Variants in MKRN1 observed in about 807,000 individuals in gnomAD.
MKRN1 encodes the protein makorin ring finger protein 1.
MKRN1 carries 9 observed loss-of-function variants against 55.5 expected under a neutral mutation model. The ratio of observed to expected loss-of-function variants is 0.16; its 90% CI spans 0.10 to 0.28. The LOEUF is 0.28. Among genes scored for constraint, MKRN1 ranks in the 10% least tolerant of loss-of-function variants. The pLI, the probability that MKRN1 is intolerant of heterozygous loss-of-function variation, is 1.00. For synonymous variants in MKRN1, 253 were observed against 235.9 expected (o/e 1.07, Z -0.66); for missense variants, 488 against 626.7 (o/e 0.78, Z 2.36).
chr7:140,479,192 G>A lies in MKRN1; in HGVS notation c.153C>T (p.Ser51=). The A allele has an allele frequency of 1.6e-5, 23 of 1,461,372 alleles. No homozygotes were observed. Among genetic ancestry groups the A allele is most frequent in the Non-Finnish European group, 1.9e-5 (21 of 1,107,758 alleles). The allele number at this position is 1,461,372 out of a possible 1,614,324, so 90.5% of individuals were successfully genotyped here. Residue 51 remains serine, a synonymous_variant, in exon 1 of 8, where the codon AGC becomes AGT. Coordinates refer to ENST00000255977, the MANE Select transcript of MKRN1 (RefSeq NM_013446.4). ...TGACCTGTTTAGTCCAGCCGCCGCCGCTGCCGTCGCTGCCGCCGCCCCCTC... is the reference window on the plus strand; with the variant it reads ...TGACCTGTTTAGTCCAGCCGCCGCCACTGCCGTCGCTGCCGCCGCCCCCTC... ...AGGGGGGSDG[S]GGGWTKQVTC... is the part of the protein sequence containing the mutation.
chr7:140,473,543 C>T (rs1391670462), intron 1 of MKRN1, among the ~76,000 whole-genome samples: 1 of 152,138 alleles, frequency 6.6e-6, no homozygotes, highest in African/African-American at 2.4e-5. Flanking sequence ...GGCATTTAAT[C>T]AATTCATCTG....
At position 140,453,425 on chromosome 7, in the gene MKRN1, T is replaced by C. The variant is rs1486672632; in HGVS notation, c.*1092A>G. 4 of 152,412 alleles carry C rather than the reference T, an allele frequency of 2.6e-5. No individual in the cohort carries two copies. Among genetic ancestry groups the C allele is most frequent in the Non-Finnish European group, 5.9e-5 (4 of 68,026 alleles). The allele number at this position is 152,412 out of a possible 1,614,324, so 9.4% of individuals were successfully genotyped here. A position where few individuals can be genotyped will look rare whatever the true frequency, so the allele number is the denominator to read the frequency against. ...GTCTGTCTACCTGAAAGCTCAGGGG[T>C]GGAATGAGGCAAATACCCACAAAAA... On this transcript the variant is annotated 3_prime_UTR_variant, in exon 8 of 8. Transcript: ENST00000255977.
intron 2 of MKRN1, among the ~76,000 whole-genome samples, chr7:140,463,662 G>A (rs916193924): frequency 1.3e-5 from 2 of 151,900 alleles, no homozygotes; most frequent in African/African-American, 4.8e-5. Context: ...AAGGTGGGCG[G>A]ATCACAAGGT....
intron 2 of MKRN1, among the ~76,000 whole-genome samples, chr7:140,462,796 C>G (rs1794660680): frequency 6.6e-6 from 1 of 151,872 alleles, no homozygotes; most frequent in Non-Finnish European, 1.5e-5. Context: ...AACCCCGTCT[C>G]TACTAAAAAA....
At position 140,454,400 on chromosome 7, in the gene MKRN1, G is replaced by C; in HGVS notation, c.*117C>G. On this transcript the variant is annotated 3_prime_UTR_variant, in exon 8 of 8. Transcript: ENST00000255977. ...GACAGGCCCTGGGTAAAAATTCTTAGGACAGCACCTGGAGTTGAGAGGCCT... is the reference window on the plus strand; with the variant it reads ...GACAGGCCCTGGGTAAAAATTCTTACGACAGCACCTGGAGTTGAGAGGCCT... 1 of 965,234 alleles carries C rather than the reference G, an allele frequency of 1.0e-6. No homozygotes were observed. Among genetic ancestry groups the C allele is most frequent in the Non-Finnish European group, 1.6e-6 (1 of 627,808 alleles). 59.8% of individuals were successfully genotyped at this position (965,234 alleles called of 1,614,324 possible). A position where few individuals can be genotyped will look rare whatever the true frequency, so the allele number is the denominator to read the frequency against.
chr7:140,479,517 T>A, upstream of MKRN1: 1 of 628,144 alleles, frequency 1.6e-6, no homozygotes, highest in Non-Finnish European at 2.3e-6. Context: ...CCACTTCAAC[T>A]GCGGGCCCAG....
At chr7:140,459,322 T>C in intron 3 of MKRN1, 89 bp from the exon 4 acceptor site, 2 of 1,318,262 alleles carry the variant, frequency 1.5e-6, no homozygotes, top group Admixed American at 2.0e-5. Flanking sequence ...AAAATGAAAA[T>C]AAAACTGCAA....
upstream of MKRN1, chr7:140,479,515 A>T: frequency 1.6e-6 from 1 of 636,526 alleles, no homozygotes; most frequent in East Asian, 3.5e-5. Context: ...CGCCACTTCA[A>T]CTGCGGGCCC....
In MKRN1 at chr7:140,456,812, T is replaced by C; in HGVS notation, c.826A>G (p.Ser276Gly). ...CAGATCCCACACACCATGTCCTTGCTGCGCTGCACGGCAAATGAGAGCTCC... is the reference window on the plus strand; with the variant it reads ...CAGATCCCACACACCATGTCCTTGCCGCGCTGCACGGCAAATGAGAGCTCC... ...DMELSFAVQR[S>G]KDMVCGICME... is the part of the protein sequence containing the mutation. The change falls in exon 5 of 8, where the codon AGC (serine) becomes GGC (glycine). Residue 276 changes from serine to glycine, a missense_variant. Ser to Gly is a moderately conservative substitution (Grantham distance 56, BLOSUM62 0). Around this residue, in one of 2 missense-constraint regions of MKRN1, gnomAD observed 278 missense variants for 406.7 expected, o/e 0.68. Transcript: ENST00000255977. 1 of 1,614,014 alleles carries C rather than the reference T, an allele frequency of 6.2e-7. No homozygotes were observed. Among genetic ancestry groups the C allele is most frequent in the Non-Finnish European group, 8.5e-7 (1 of 1,179,914 alleles).
chr7:140,455,334 T>C (rs550769125), intron 6 of MKRN1, 101 bp from the exon 7 acceptor site: 5 of 1,451,546 alleles, frequency 3.4e-6, no homozygotes, highest in African/African-American at 2.8e-5. Flanking sequence ...AGAACCAGTA[T>C]GTCAGCTTAC....
At chr7:140,477,444 C>T (rs1238009874) in intron 1 of MKRN1, among the ~76,000 whole-genome samples, 1 of 152,132 alleles carries the variant, frequency 6.6e-6, no homozygotes, top group Non-Finnish European at 1.5e-5. Flanking sequence ...CCTCAGCCTC[C>T]GGAGTAGCTG....
At chr7:140,455,760 TC>T (rs1794449279) in intron 6 of MKRN1, 29 bp downstream of exon 6, 3 of 1,543,186 alleles carry the variant, frequency 1.9e-6, no homozygotes, top group Non-Finnish European at 2.7e-6. Flanking sequence ...GTTGGGCTCT[TC>T]GCTTGAGAAA....
In MKRN1 at chr7:140,454,502, C is replaced by A. The variant is rs201197588; in HGVS notation, c.*15G>T. The A allele has an allele frequency of 9.3e-6, 15 of 1,606,424 alleles. No homozygotes were observed. Among genetic ancestry groups the A allele is most frequent in the Non-Finnish European group, 1.3e-5 (15 of 1,176,932 alleles). ...TCTGAGGTCAGCAGACCAGTTCACA[C>A]GCCACGCAAGGTTGCTATAGATCCA... On this transcript the variant is annotated 3_prime_UTR_variant, in exon 8 of 8. Coordinates refer to ENST00000255977, the MANE Select transcript of MKRN1 (RefSeq NM_013446.4).
At chr7:140,475,472 C>T (rs1480106958) in intron 1 of MKRN1, 1 of 232,948 alleles carries the variant, frequency 4.3e-6, no homozygotes, top group Non-Finnish European at 8.8e-6. Flanking sequence ...CCAGCCTAGG[C>T]AACAGGGTGA....
intron 2 of MKRN1, among the ~76,000 whole-genome samples, chr7:140,467,464 G>A (rs1343317600): frequency 1.3e-5 from 2 of 151,790 alleles, no homozygotes; most frequent in African/African-American, 4.8e-5. Context: ...TTTCAGTAGA[G>A]ACGAGGTTTA....
At chr7:140,454,817 A>G (rs771405213) in intron 7 of MKRN1, 88 bp from the exon 8 acceptor site, 10 of 1,363,600 alleles carry the variant, frequency 7.3e-6, no homozygotes, top group African/African-American at 1.4e-5. Context: ...CCAGCACACC[A>G]GAGGGCATGA....
intron 4 of MKRN1, among the ~76,000 whole-genome samples, chr7:140,457,897 G>GA (rs1321829111): frequency 6.6e-6 from 1 of 152,106 alleles, no homozygotes; most frequent in Admixed American, 6.6e-5. Context: ...AAAGTACGCT[G>GA]AAGATAGGGA....
intron 2 of MKRN1, among the ~76,000 whole-genome samples, chr7:140,463,696 T>C (rs572355158): frequency 4.8e-4 from 73 of 152,054 alleles, no homozygotes; most frequent in East Asian, 2.4e-3. Flanking sequence ...CCATCCTGGC[T>C]AACACGGTGA....
rs1795226504 is a variant in MKRN1, at chr7:140,479,407, T to TGCGGGGAGAGG, written c.-74_-64dup. The TGCGGGGAGAGG allele has an allele frequency of 2.4e-6, 3 of 1,256,876 alleles. No homozygotes were observed. Among genetic ancestry groups the TGCGGGGAGAGG allele is most frequent in the Non-Finnish European group, 3.0e-6 (3 of 995,424 alleles). The allele number at this position is 1,256,876 out of a possible 1,614,324, so 77.9% of individuals were successfully genotyped here. ...CGGGATCACATAGTTCCGGTCCGGC[T>TGCGGGGAGAGG]GCGGGGAGAGGACGGCGAGGCCAGG... On this transcript the variant is annotated 5_prime_UTR_variant, in exon 1 of 8. Coordinates refer to ENST00000255977, the MANE Select transcript of MKRN1 (RefSeq NM_013446.4).
Sources: gnomAD v4.1 joint callset for allele counts (sites outside exome capture counted in the v4.1 genomes callset) on GRCh38, gnomAD v4.1.1 for gene constraint, gnomAD v4.1.1 regional missense constraint, MANE v1.5 for transcripts, NCBI Gene and HGNC (gene_info 2026-07-23, HGNC 2026-07-21) for gene names.